The following ACSL1 variants were observed in gnomAD, a reference collection of about 807,000 sequenced individuals.
ACSL1 encodes the protein acyl-CoA synthetase long chain family member 1.
In ACSL1, 41 loss-of-function variants were observed where a neutral mutation model predicts 98.4. The observed-to-expected ratio is 0.42, with a 90% CI of 0.32 to 0.54. The LOEUF (loss-of-function observed/expected upper bound fraction) is 0.54, where lower values mean the gene tolerates loss of function less well. ACSL1 is among the 20% of genes least tolerant of loss of function. The probability of loss-of-function intolerance (pLI) is 0.13; values close to 1 mark genes in which losing one functional copy is unlikely to be tolerated. For missense variants in ACSL1, 734 were observed against 883.1 expected (o/e 0.83, Z 2.14); for synonymous variants, 316 against 322.7 (o/e 0.98, Z 0.22).
intron 1 of ACSL1, among the ~76,000 whole-genome samples, chr4:184,811,318 T>G (rs900938852): frequency 6.6e-6 from 1 of 152,038 alleles, no homozygotes; most frequent in African/African-American, 2.4e-5. Flanking sequence ...TTCACCGTGT[T>G]GGCCAGGATG....
chr4:184,766,397 C>T lies in ACSL1; in HGVS notation c.1263+225G>A, dbSNP rs564516646. ...AAAATGGAGAATGAGAAAGGCTCCA[C>T]TACCCTGACTCCTTTTCCCCCTAGA... On this transcript the variant is annotated intron_variant, in intron 13 of 20. Coordinates refer to ENST00000281455, the MANE Select transcript of ACSL1 (RefSeq NM_001995.5). This position sits in a 1 kb window ranked among gnomAD's most constrained non-coding sequence, Gnocchi z 4.8. 8.5e-5 allele frequency among the ~76,000 whole-genome samples: 13 copies of T among 152,344 alleles called. No individual in the cohort carries two copies. Among genetic ancestry groups the T allele is most frequent in the South Asian group, 6.2e-4 (3 of 4,828 alleles).
At chr4:184,765,234 C>A (rs202046765) in intron 14 of ACSL1, among the ~76,000 whole-genome samples, 1 of 152,200 alleles carries the variant, frequency 6.6e-6, no homozygotes, top group Non-Finnish European at 1.5e-5. Context: ...ACACATGCCC[C>A]GTCTGCCACC....
chr4:184,761,934 C>A (rs1337508720), intron 17 of ACSL1, among the ~76,000 whole-genome samples: 1 of 152,086 alleles, frequency 6.6e-6, no homozygotes, highest in Non-Finnish European at 1.5e-5. Context: ...TGAGACCAGC[C>A]TGGCCAACAT....
intron 17 of ACSL1, 133 bp downstream of exon 17, chr4:184,762,274 A>T: frequency 1.3e-6 from 1 of 764,598 alleles, no homozygotes; most frequent in Non-Finnish European, 2.3e-6. Context: ...TCTACATCAT[A>T]CCACTCACCA....
At chr4:184,811,398 C>T (rs796422527) in intron 1 of ACSL1, among the ~76,000 whole-genome samples, 13 of 152,206 alleles carry the variant, frequency 8.5e-5, no homozygotes, top group Admixed American at 2.0e-4. Flanking sequence ...AGGTGTGAGC[C>T]ACCGCGCCCA....
chr4:184,760,450 T>C lies in ACSL1; in HGVS notation c.1689A>G (p.Ala563=). 6.2e-7 allele frequency: 1 copy of C among 1,614,192 alleles called. No individual in the cohort carries two copies. The highest frequency in any genetic ancestry group is 8.5e-7 in the Non-Finnish European group (1 of 1,180,032). The stretch of plus-strand genomic sequence containing the variant: ...TTTCAGGGGCTATGTATTCTCCTTG[T>C]GCCAGCTTAAATATGTGCTTTTTCC... ...IDRKKHIFKL[A]QGEYIAPEKI... The change falls in exon 18 of 21, where the codon GCA becomes GCG. Residue 563 remains alanine, a synonymous_variant. Coordinates refer to ENST00000281455, the MANE Select transcript of ACSL1 (RefSeq NM_001995.5).
At chr4:184,782,156 T>C (rs1332097496) in intron 4 of ACSL1, among the ~76,000 whole-genome samples, 1 of 152,120 alleles carries the variant, frequency 6.6e-6, no homozygotes, top group Non-Finnish European at 1.5e-5. Context: ...CTTGGTTGCA[T>C]TTAAGGAATC....
intron 10 of ACSL1, among the ~76,000 whole-genome samples, chr4:184,771,833 C>G (rs1202197040): frequency 1.5e-4 from 23 of 148,418 alleles, no homozygotes; most frequent in Admixed American, 1.2e-3. Context: ...TGAGCAAACA[C>G]AGCAGCCCCA....
intron 10 of ACSL1, among the ~76,000 whole-genome samples, chr4:184,772,358 C>G (rs1764635905): frequency 6.6e-6 from 1 of 152,188 alleles, no homozygotes; most frequent in Non-Finnish European, 1.5e-5. Context: ...CTACAAAAAT[C>G]AGAGCTACAG....
Position 184,765,939 on chromosome 4 carries a change from C to T in ACSL1, c.1311G>A (p.Pro437=), listed in dbSNP as rs768275360. 9 of 1,614,002 alleles carry T rather than the reference C, an allele frequency of 5.6e-6. No individual in the cohort carries two copies. The East Asian group carries it at 8.9e-5, about 16-fold the overall frequency. Residue 437 remains proline (P), a synonymous_variant, in exon 14 of 21, where the codon CCG becomes CCA. Coordinates refer to ENST00000281455, the MANE Select transcript of ACSL1 (RefSeq NM_001995.5). ...GGAACGTCAGCACAGTGGCAGACAC[C>T]GGGGCGGCTCCTGTCACCATCAGCC... ...RVRLMVTGAA[P]VSATVLTFLR...
At chr4:184,780,519 C>T (rs1766073756) in intron 4 of ACSL1, 86 bp from the exon 5 acceptor site, 2 of 929,184 alleles carry the variant, frequency 2.2e-6, no homozygotes, top group Middle Eastern at 2.4e-4. Context: ...TGTATCTCAG[C>T]CAGCAAGCAA....
At chr4:184,783,280 G>A (rs62338203) in intron 4 of ACSL1, among the ~76,000 whole-genome samples, 6,134 of 152,282 alleles carry the variant, frequency 0.04, 152 homozygotes, top group Middle Eastern at 0.082. Context: ...ACTAGAGACC[G>A]ACAAGGGCCA....
intron 11 of ACSL1, 196 bp downstream of exon 11, chr4:184,770,203 G>T: frequency 6.9e-7 from 1 of 1,459,754 alleles, no homozygotes. Flanking sequence ...TTCTAAAACG[G>T]GGCTGAGCAG....
rs554876646 is a variant in ACSL1 at position 184,786,716 on chromosome 4, C to T, written c.310+1901G>A. On this transcript the variant is annotated intron_variant, in intron 3 of 20. Coordinates refer to ENST00000281455, the MANE Select transcript of ACSL1 (RefSeq NM_001995.5). ...TCTTTTTTTTTTTTTTTTTTTGAGA[C>T]GGAGTCTCGCTGTGTCACCCAGGCT... 2.0e-3 allele frequency among the ~76,000 whole-genome samples: 240 copies of T among 117,788 alleles called. 2 individuals are homozygous for T. The highest frequency in any genetic ancestry group is 0.012 in the Middle Eastern group (2 of 164). The allele number at this position is 117,788 out of a possible 152,430, so 77.3% of individuals were successfully genotyped here. A position where few individuals can be genotyped will look rare whatever the true frequency, so the allele number is the denominator to read the frequency against.
Position 184,768,363 on chromosome 4 carries a change from T to C in ACSL1, c.1081A>G (p.Thr361Ala), listed in dbSNP as rs1262626687. The C allele has an allele frequency of 1.2e-6, 2 of 1,612,406 alleles. No homozygotes were observed. The highest frequency in any genetic ancestry group is 1.7e-6 in the Non-Finnish European group (2 of 1,179,644). ...AGTCTTGGAACCACGGGGAAGACAGTGGGTTGAAGCACCTTGAGGTCATCC... is the reference window on the plus strand; with the variant it reads ...AGTCTTGGAACCACGGGGAAGACAGCGGGTTGAAGCACCTTGAGGTCATCC... ...LMDDLKVLQP[T>A]VFPVVPRLLN... Residue 361 changes from threonine to alanine, a missense_variant, in exon 12 of 21, where the codon ACT (threonine) becomes GCT (alanine). Physicochemically the swap from Thr to Ala is moderately conservative, Grantham distance 58. Coordinates refer to ENST00000281455, the MANE Select transcript of ACSL1 (RefSeq NM_001995.5).
At chr4:184,761,818 G>C (rs1762887943) in intron 17 of ACSL1, among the ~76,000 whole-genome samples, 1 of 152,164 alleles carries the variant, frequency 6.6e-6, no homozygotes, top group Non-Finnish European at 1.5e-5. Context: ...GCAACAACCA[G>C]AATTGATGTT....
chr4:184,811,407 C>T lies in ACSL1; in HGVS notation c.-32-7861G>A, dbSNP rs76379241. Among the ~76,000 whole-genome samples the T allele has an allele frequency of 4.6e-3, 693 of 152,162 alleles. 4 individuals carry two copies. Among genetic ancestry groups the T allele is most frequent in the African/African-American group, 0.014 (601 of 41,532 alleles). ...GATTACAGGTGTGAGCCACCGCGCC[C>T]AGCTGCACAATGCTTTAAGAGCCCA... On this transcript the variant is annotated intron_variant, in intron 1 of 20. Transcript: ENST00000281455.
chr4:184,782,855 TG>T (rs967728686), intron 4 of ACSL1, among the ~76,000 whole-genome samples: 6 of 152,248 alleles, frequency 3.9e-5, no homozygotes, highest in African/African-American at 1.4e-4. Context: ...CACTTCAGTC[TG>T]AGAAGAACCA....
intron 2 of ACSL1, among the ~76,000 whole-genome samples, chr4:184,802,278 C>T (rs1396443000): frequency 6.6e-6 from 1 of 152,128 alleles, no homozygotes; most frequent in African/African-American, 2.4e-5. Flanking sequence ...AAAACAAAGA[C>T]CTAGAATCCC....
Sources: gnomAD v4.1 joint callset for allele counts (sites outside exome capture counted in the v4.1 genomes callset) on GRCh38, gnomAD v4.1.1 for gene constraint, Gnocchi (gnomAD v3.1) non-coding constraint, MANE v1.5 for transcripts, NCBI Gene and HGNC (gene_info 2026-07-23, HGNC 2026-07-21) for gene names.